AKAP13: variants seen among roughly 807,000 people sequenced by gnomAD.
The protein encoded by AKAP13 is A-kinase anchoring protein 13, also known as A-kinase anchor protein 13.
AKAP13 carries 80 observed loss-of-function variants against 264.5 expected under a neutral mutation model. The ratio of observed to expected loss-of-function variants is 0.30; its 90% CI spans 0.25 to 0.36. AKAP13 has a LOEUF of 0.36. AKAP13 is among the 10% of genes least tolerant of loss of function. The pLI is 1.00. For synonymous variants in AKAP13, 1,380 were observed against 1,250.2 expected (o/e 1.10, Z -2.19); for missense variants, 3,712 against 3,435.2 (o/e 1.08, Z -2.01).
At chr15:85,736,722 C>T (rs1374282678) in intron 33 of AKAP13, among the ~76,000 whole-genome samples, 1 of 152,074 alleles carries the variant, frequency 6.6e-6, no homozygotes, top group Non-Finnish European at 1.5e-5. Flanking sequence ...TGAGCTTTCT[C>T]TAAATAGGGC....
chr15:85,495,353 G>A (rs2075842392), intron 2 of AKAP13, among the ~76,000 whole-genome samples: 1 of 152,118 alleles, frequency 6.6e-6, no homozygotes, highest in Admixed American at 6.5e-5. Context: ...CTCCAGAGTG[G>A]CTGGCTCTAC....
chr15:85,687,963 C>T (rs1324392541), intron 16 of AKAP13, among the ~76,000 whole-genome samples: 3 of 149,488 alleles, frequency 2.0e-5, no homozygotes, highest in East Asian at 2.0e-4. Flanking sequence ...TCACTTGAGC[C>T]GAGGAGTTCA....
At chr15:85,438,505 G>T (rs1353931821) in intron 1 of AKAP13, among the ~76,000 whole-genome samples, 2 of 148,710 alleles carry the variant, frequency 1.3e-5, no homozygotes. Flanking sequence ...AGCCTGCATC[G>T]CCAAGTCAAT....
intron 17 of AKAP13, among the ~76,000 whole-genome samples, chr15:85,695,018 C>T (rs180948030): frequency 9.4e-4 from 142 of 151,838 alleles, no homozygotes; most frequent in Non-Finnish European, 1.5e-3. Context: ...GTCTTGACCT[C>T]CTGACATCAA....
chr15:85,444,399 T>G (rs2073827912), intron 1 of AKAP13, among the ~76,000 whole-genome samples: 2 of 152,264 alleles, frequency 1.3e-5, no homozygotes, highest in Middle Eastern at 3.4e-3. Context: ...AAAAGGTAGT[T>G]GAGGAGGTGT....
At chr15:85,622,498 A>C (rs2081239566) in intron 8 of AKAP13, among the ~76,000 whole-genome samples, 1 of 152,210 alleles carries the variant, frequency 6.6e-6, no homozygotes, top group Non-Finnish European at 1.5e-5. Context: ...CTGGAAGAGC[A>C]GGGCCTTAAC....
chr15:85,599,425 G>C (rs2079958170), intron 8 of AKAP13, among the ~76,000 whole-genome samples: 1 of 152,166 alleles, frequency 6.6e-6, no homozygotes, highest in Non-Finnish European at 1.5e-5. Context: ...TAGCCCCACA[G>C]GTTTCTTTGT....
intron 5 of AKAP13, among the ~76,000 whole-genome samples, chr15:85,552,853 A>G (rs904923608): frequency 6.6e-6 from 1 of 151,886 alleles, no homozygotes; most frequent in Non-Finnish European, 1.5e-5. Flanking sequence ...GTTTTTATAC[A>G]TGATTTTGGC....
chr15:85,568,856 C>T (rs1374364563), intron 5 of AKAP13, among the ~76,000 whole-genome samples: 1 of 152,116 alleles, frequency 6.6e-6, no homozygotes, highest in Non-Finnish European at 1.5e-5. Flanking sequence ...GTCACTATTG[C>T]TTTGAAACAG....
chr15:85,647,528 T>G (rs1167619547), intron 10 of AKAP13, among the ~76,000 whole-genome samples: 1 of 150,892 alleles, frequency 6.6e-6, no homozygotes, highest in Non-Finnish European at 1.5e-5. Context: ...TCCCTGACTT[T>G]TTTTTTTTTG....
chr15:85,740,295 C>G, intron 34 of AKAP13, 23 bp downstream of exon 34: 1 of 1,613,162 alleles, frequency 6.2e-7, no homozygotes, highest in East Asian at 2.2e-5. Flanking sequence ...ATCTTCCATC[C>G]CTGCGTTTAT....
intron 19 of AKAP13, among the ~76,000 whole-genome samples, chr15:85,711,058 C>G (rs942292834): frequency 7.2e-5 from 11 of 151,854 alleles, no homozygotes; most frequent in African/African-American, 2.7e-4. Context: ...CTCTGTCGCC[C>G]AGGCTGGAGT....
chr15:85,718,735 A>G lies in AKAP13; in HGVS notation c.6002-341A>G, dbSNP rs2087107337. The G allele has an allele frequency of 3.6e-6, 1 of 278,654 alleles. No individual in the cohort carries two copies. Among genetic ancestry groups the G allele is most frequent in the South Asian group, 3.6e-5 (1 of 27,958 alleles). The allele number at this position is 278,654 out of a possible 1,614,324, so 17.3% of individuals were successfully genotyped here. On this transcript the variant is annotated intron_variant, in intron 22 of 36. Transcript: ENST00000394518. This position sits in a 1 kb window ranked among gnomAD's most constrained non-coding sequence, Gnocchi z 4.9. ...GGGAACATAGTGAAACCCCATTTCT[A>G]TAAAAAATACAAAAATCAGCCAGGC...
chr15:85,522,947 C>G (rs1256096201), intron 3 of AKAP13, among the ~76,000 whole-genome samples: 2 of 143,658 alleles, frequency 1.4e-5, no homozygotes, highest in South Asian at 2.5e-4. Context: ...CCCCGTCGCC[C>G]CCATCCCATT....
At chr15:85,442,278 C>A (rs1425700906) in intron 1 of AKAP13, among the ~76,000 whole-genome samples, 3 of 149,644 alleles carry the variant, frequency 2.0e-5, no homozygotes, top group Non-Finnish European at 4.4e-5. Flanking sequence ...GGCATGGTGG[C>A]AGGTGCCTGT....
chr15:85,535,538 C>G (rs1440205159), intron 4 of AKAP13: 1 of 152,076 alleles, frequency 6.6e-6, no homozygotes. Context: ...TTATATAAAC[C>G]TGGTGATGGG....
intron 17 of AKAP13, among the ~76,000 whole-genome samples, chr15:85,697,467 G>A (rs1478486869): frequency 6.6e-6 from 1 of 152,172 alleles, no homozygotes; most frequent in Admixed American, 6.5e-5. Flanking sequence ...TATTCAGTAG[G>A]CTGAGGCAGG....
intron 16 of AKAP13, among the ~76,000 whole-genome samples, chr15:85,692,733 A>G: frequency 6.6e-6 from 1 of 152,206 alleles, no homozygotes; most frequent in East Asian, 1.9e-4. Context: ...AATATTTCTA[A>G]CTAGAGTAAA....
At chr15:85,387,504 TTGTAGAGACAG>T (rs2070633569) in intron 1 of AKAP13, among the ~76,000 whole-genome samples, 3 of 152,096 alleles carry the variant, frequency 2.0e-5, no homozygotes. Context: ...TTTTTTATTT[TTGTAGAGACAG>T]AGTCTCTCTA....
Sources: allele counts gnomAD v4.1 joint callset (sites outside exome capture counted in the v4.1 genomes callset), GRCh38; gene constraint gnomAD v4.1.1; non-coding constraint Gnocchi (gnomAD v3.1); transcripts MANE v1.5; gene names NCBI Gene and HGNC (gene_info 2026-07-23, HGNC 2026-07-21).